The following FUBP1 variants were observed in gnomAD, a reference collection of about 807,000 sequenced individuals.
FUBP1 encodes far upstream element binding protein 1.
A neutral mutation model predicts 94.9 loss-of-function variants in FUBP1; 16 were observed. The ratio of observed to expected loss-of-function variants is 0.17; its 90% confidence interval spans 0.11 to 0.26. The LOEUF is 0.26. Ranked by LOEUF, FUBP1 falls within the 10% of genes least tolerant of loss-of-function variation. The pLI is 1.00. For synonymous variants in FUBP1, 279 were observed against 254.9 expected, an observed-to-expected ratio of 1.09 and a Z score of -0.90; for missense variants, 583 against 808.6, an observed-to-expected ratio of 0.72 and a Z score of 3.38.
chr1:77,953,147 G>T (rs1254154763), intron 18 of FUBP1, among the ~76,000 whole-genome samples: 1 of 151,682 alleles, frequency 6.6e-6, no homozygotes. Context: ...CAACAACAAC[G>T]AGATATGCAT....
intron 10 of FUBP1, 137 bp from the exon 11 acceptor site, chr1:77,964,493 A>C (rs1299730664): frequency 1.5e-6 from 1 of 667,010 alleles, no homozygotes; most frequent in Non-Finnish European, 2.5e-6. Flanking sequence ...ATTTATAGTA[A>C]ATAGGGTAAC....
chr1:77,960,060 CT>C, intron 16 of FUBP1, 123 bp downstream of exon 16: 1 of 704,364 alleles, frequency 1.4e-6, no homozygotes, highest in South Asian at 1.8e-5. Flanking sequence ...GTGCCTAACA[CT>C]GTTGAAAGAG....
At chr1:77,959,824 A>G (rs947446890) in intron 16 of FUBP1, among the ~76,000 whole-genome samples, 1 of 152,172 alleles carries the variant, frequency 6.6e-6, no homozygotes, top group African/African-American at 2.4e-5. Context: ...CCTATCACAT[A>G]CTTTTCTAAA....
intron 6 of FUBP1, 37 bp from the exon 7 acceptor site, chr1:77,966,788 A>C (rs2102418480): frequency 7.1e-7 from 1 of 1,404,636 alleles, no homozygotes; most frequent in Non-Finnish European, 1.0e-6. Flanking sequence ...TCAGGTCAAA[A>C]GATTAAAAGT....
At position 77,972,957 on chromosome 1, in the gene FUBP1, G is replaced by A. The variant is rs193201287; in HGVS notation, c.121-2942C>T. Among the ~76,000 whole-genome samples, 596 of 151,460 alleles carry A rather than the reference G, an allele frequency of 3.9e-3. 2 individuals are homozygous for A. The highest frequency in any genetic ancestry group is 0.014 in the Middle Eastern group (4 of 294). ...CCCCAGCTACTTCAGAAGCTGAGAT[G>A]GGAGAACTGGCTGAGGCCAGGAGTT... is the stretch of plus-strand genomic sequence containing the variant. On this transcript the variant is annotated intron_variant, in intron 1 of 19. Coordinates refer to ENST00000370768, the MANE Select transcript of FUBP1 (RefSeq NM_003902.5).
At chr1:77,963,742 A>C (rs757027141) in intron 12 of FUBP1, 27 bp from the exon 13 acceptor site, 8 of 1,573,514 alleles carry the variant, frequency 5.1e-6, no homozygotes, top group Non-Finnish European at 6.9e-6. Flanking sequence ...ACAAGAACGA[A>C]GAGTCAGCAC....
chr1:77,948,936 T>C, intron 19 of FUBP1, 162 bp from the exon 20 acceptor site: 1 of 1,113,798 alleles, frequency 9.0e-7, no homozygotes, highest in Non-Finnish European at 1.3e-6. Flanking sequence ...AAATTTATTT[T>C]TAAAATCAAA....
intron 3 of FUBP1, 90 bp from the exon 4 acceptor site, chr1:77,967,756 A>C: frequency 1.3e-6 from 1 of 795,140 alleles, no homozygotes; most frequent in Non-Finnish European, 2.0e-6. Flanking sequence ...AACATTCAAA[A>C]ATCTCTCCCT....
intron 18 of FUBP1, among the ~76,000 whole-genome samples, chr1:77,950,445 C>A (rs1653203550): frequency 6.6e-6 from 1 of 152,180 alleles, no homozygotes; most frequent in Non-Finnish European, 1.5e-5. Flanking sequence ...CAGGCGTCAA[C>A]CACTGTGCCC....
At chr1:77,965,005 G>C (rs1656212522) in intron 8 of FUBP1, 37 bp from the exon 9 acceptor site, 1 of 1,590,726 alleles carries the variant, frequency 6.3e-7, no homozygotes, top group South Asian at 1.1e-5. Flanking sequence ...ATTAACAAAA[G>C]GAAGTGGACA....
At chr1:77,977,362 A>AC (rs964870025) in intron 1 of FUBP1, among the ~76,000 whole-genome samples, 6 of 152,010 alleles carry the variant, frequency 3.9e-5, no homozygotes, top group African/African-American at 1.2e-4. Flanking sequence ...AAACAAACAA[A>AC]AAAAACACAA....
In FUBP1 at chr1:77,949,136, A is replaced by G. The variant is rs1447149710; in HGVS notation, c.1926+19T>C. Reference sequence around the variant, plus strand: ...AACAGACTGGAGTAGAAATCAACAAATTAGCAATTACATTATACCTGAGGT... The same window carrying G: ...AACAGACTGGAGTAGAAATCAACAAGTTAGCAATTACATTATACCTGAGGT... On this transcript the variant is annotated intron_variant, in intron 19 of 19. Transcript: ENST00000370768. 2 of 1,604,424 alleles carry G rather than the reference A, an allele frequency of 1.2e-6. No individual in the cohort carries two copies. Among genetic ancestry groups the G allele is most frequent in the Admixed American group, 1.7e-5 (1 of 59,636 alleles).
intron 14 of FUBP1, among the ~76,000 whole-genome samples, chr1:77,961,166 T>C (rs937881163): frequency 1.3e-5 from 2 of 152,220 alleles, no homozygotes; most frequent in African/African-American, 4.8e-5. Flanking sequence ...TGCCACATCA[T>C]TAATAACGCT....
chr1:77,973,577 T>G (rs955220251), intron 1 of FUBP1, among the ~76,000 whole-genome samples: 1 of 152,206 alleles, frequency 6.6e-6, no homozygotes, highest in African/African-American at 2.4e-5. Flanking sequence ...ACAAAAATAA[T>G]TCAAGCTTTC....
chr1:77,979,446 A>G (rs1444657170), upstream of FUBP1: 1 of 164,002 alleles, frequency 6.1e-6, no homozygotes, highest in East Asian at 1.3e-4. Flanking sequence ...GCTATGGGTC[A>G]TTCTCGGTGT....
chr1:77,956,362 A>G (rs1033859793), intron 17 of FUBP1, among the ~76,000 whole-genome samples: 4 of 152,226 alleles, frequency 2.6e-5, no homozygotes, highest in Admixed American at 6.5e-5. Flanking sequence ...TAAAACATTA[A>G]CAGCTGGGCT....
intron 1 of FUBP1, among the ~76,000 whole-genome samples, chr1:77,975,146 T>C (rs1658359664): frequency 6.6e-6 from 1 of 152,244 alleles, no homozygotes; most frequent in Non-Finnish European, 1.5e-5. Flanking sequence ...AATTTGCAGA[T>C]GCAGAGCCCA....
chr1:77,947,743 TTG>T lies in FUBP1; in HGVS notation c.*1021_*1022del, dbSNP rs1483533210. 1 of 577,184 alleles carries T rather than the reference TTG, an allele frequency of 1.7e-6. No homozygotes were observed. Among genetic ancestry groups the T allele is most frequent in the African/African-American group, 1.9e-5 (1 of 52,684 alleles). 35.8% of individuals were successfully genotyped at this position (577,184 alleles called of 1,614,324 possible). A position where few individuals can be genotyped will look rare whatever the true frequency, so the allele number is the denominator to read the frequency against. ...AATTAAGTTGATTCAATGATTGGACTTGTGCATTTACAAAACAAAGCTTATCT... is the reference window on the plus strand; with the variant it reads ...AATTAAGTTGATTCAATGATTGGACTTGCATTTACAAAACAAAGCTTATCT... On this transcript the variant is annotated 3_prime_UTR_variant, in exon 20 of 20. Transcript: ENST00000370768.
chr1:77,964,995 A>T, intron 8 of FUBP1, 27 bp from the exon 9 acceptor site: 2 of 1,595,634 alleles, frequency 1.3e-6, no homozygotes, highest in Non-Finnish European at 1.7e-6. Flanking sequence ...AATAATATAT[A>T]TTAACAAAAG....
Sources: gnomAD v4.1 joint callset for allele counts (sites outside exome capture counted in the v4.1 genomes callset) on GRCh38, gnomAD v4.1.1 for gene constraint, MANE v1.5 for transcripts, NCBI Gene and HGNC (gene_info 2026-07-23, HGNC 2026-07-21) for gene names.